The following COG7 variants were observed in gnomAD, a reference collection of about 807,000 sequenced individuals.
COG7 encodes conserved oligomeric Golgi complex subunit 7.
COG7 carries 49 observed loss-of-function variants against 91.5 expected under a neutral mutation model. The observed-to-expected ratio is 0.54, with a 90% CI of 0.43 to 0.68. The LOEUF (loss-of-function observed/expected upper bound fraction) is 0.68. Ranked by LOEUF, COG7 falls within the 30% of genes least tolerant of loss-of-function variation. The pLI, the probability that COG7 is intolerant of heterozygous loss-of-function variation, is 0.00. For synonymous variants in COG7, 365 were observed against 388.7 expected, an observed-to-expected ratio of 0.94 and a Z score of 0.72; for missense variants, 895 against 961.3, an observed-to-expected ratio of 0.93 and a Z score of 0.91.
chr16:23,420,295 C>A, intron 7 of COG7, among the ~76,000 whole-genome samples: 1 of 152,164 alleles, frequency 6.6e-6, no homozygotes, highest in Non-Finnish European at 1.5e-5. Flanking sequence ...AACAAATACA[C>A]AGAGACAGAA....
chr16:23,398,849 C>T (rs1963327811), intron 13 of COG7, among the ~76,000 whole-genome samples: 1 of 152,174 alleles, frequency 6.6e-6, no homozygotes, highest in South Asian at 2.1e-4. Context: ...TGTTTCTTGC[C>T]ATTTGGAGTG....
chr16:23,420,614 C>T (rs1035825758), intron 7 of COG7, among the ~76,000 whole-genome samples: 1 of 152,196 alleles, frequency 6.6e-6, no homozygotes, highest in Admixed American at 6.5e-5. Context: ...CAGCTAAAGT[C>T]TGCTGCTCTT....
intron 14 of COG7, among the ~76,000 whole-genome samples, chr16:23,394,542 C>T (rs1181326411): frequency 6.6e-6 from 1 of 151,920 alleles, no homozygotes; most frequent in Non-Finnish European, 1.5e-5. Context: ...ATATTCATTC[C>T]ATGACATTCC....
At chr16:23,449,097 C>T (rs962331144) in intron 1 of COG7, among the ~76,000 whole-genome samples, 3 of 152,182 alleles carry the variant, frequency 2.0e-5, no homozygotes, top group African/African-American at 7.2e-5. Context: ...GGCGCAGTGG[C>T]TCACGCCTAT....
chr16:23,451,510 T>C (rs531484210), intron 1 of COG7, among the ~76,000 whole-genome samples: 2 of 152,080 alleles, frequency 1.3e-5, no homozygotes, highest in African/African-American at 4.8e-5. Flanking sequence ...GGTCAGAAAT[T>C]TGAGATCAAC....
intron 3 of COG7, among the ~76,000 whole-genome samples, 185 bp from the exon 4 acceptor site, chr16:23,442,830 G>A (rs1964123696): frequency 6.6e-6 from 1 of 152,114 alleles, no homozygotes; most frequent in Non-Finnish European, 1.5e-5. Flanking sequence ...GAAGCCAGGA[G>A]TTCAAGACCA....
At chr16:23,432,621 GCCT>G (rs1963952073) in intron 6 of COG7, among the ~76,000 whole-genome samples, 1 of 152,190 alleles carries the variant, frequency 6.6e-6, no homozygotes, top group South Asian at 2.1e-4. Context: ...GTTCTACTGT[GCCT>G]CCTGTCTCAA....
intron 9 of COG7, chr16:23,416,308 C>G (rs767010787): frequency 6.5e-6 from 1 of 153,312 alleles, no homozygotes; most frequent in African/African-American, 2.4e-5. Context: ...GGATTACAAG[C>G]GTGAGCCACC....
chr16:23,448,401 C>T (rs761095769), intron 1 of COG7, among the ~76,000 whole-genome samples: 66 of 152,298 alleles, frequency 4.3e-4, no homozygotes, highest in Non-Finnish European at 7.1e-4. Flanking sequence ...CTGCCTCGAA[C>T]TTCTAGGCTC....
chr16:23,402,477 C>T (rs1445479375), intron 13 of COG7, among the ~76,000 whole-genome samples: 2 of 152,078 alleles, frequency 1.3e-5, no homozygotes, highest in African/African-American at 4.8e-5. Flanking sequence ...AAAACTACCA[C>T]TTATTACACA....
chr16:23,396,541 T>C (rs1963287661), intron 14 of COG7, among the ~76,000 whole-genome samples: 1 of 151,322 alleles, frequency 6.6e-6, no homozygotes, highest in Non-Finnish European at 1.5e-5. Context: ...TAGCCAGGTG[T>C]GGTGGTGGGC....
intron 1 of COG7, among the ~76,000 whole-genome samples, chr16:23,447,630 G>A (rs1964203083): frequency 6.6e-6 from 1 of 151,992 alleles, no homozygotes; most frequent in Non-Finnish European, 1.5e-5. Flanking sequence ...GGCCAGGCGT[G>A]GTGGCTCATG....
chr16:23,441,285 T>C (rs117254031), intron 4 of COG7, among the ~76,000 whole-genome samples: 1 of 152,224 alleles, frequency 6.6e-6, no homozygotes, highest in Admixed American at 6.5e-5. Flanking sequence ...GTAAATAAAG[T>C]TTTACTTGGC....
chr16:23,452,944 G>C lies in COG7; in HGVS notation c.51C>G (p.Ile17Met), dbSNP rs1276014294. 25 of 1,613,978 alleles carry C rather than the reference G, an allele frequency of 1.5e-5. No individual in the cohort carries two copies. Among genetic ancestry groups the C allele is most frequent in the Admixed American group, 1.0e-4 (6 of 60,004 alleles). ...TGGAGCCGGCCCTGAAGGCCGCATT[G>C]ATCCACTCCTTCACGTCGAAGTCGT... ...LADDFDVKEW[I>M]NAAFRAGSKE... Residue 17 changes from isoleucine to methionine, a missense_variant, in exon 1 of 17, where the codon ATC (isoleucine) becomes ATG (methionine). Coordinates refer to ENST00000307149, the MANE Select transcript of COG7 (RefSeq NM_153603.4).
chr16:23,440,085 CAAAA>C (rs11294739), intron 4 of COG7, among the ~76,000 whole-genome samples: 1 of 79,300 alleles, frequency 1.3e-5, no homozygotes, highest in Admixed American at 1.4e-4. Flanking sequence ...CCCATCTATA[CAAAA>C]AAAAAAAAAA....
rs1318563960 is a variant in COG7, at chr16:23,413,511, A to G, written c.1346T>C (p.Leu449Pro). Residue 449 changes from leucine to proline, a missense_variant, in exon 10 of 17, where the codon CTG becomes CCG. Leu to Pro is a moderately conservative substitution (Grantham distance 98). Transcript: ENST00000307149. ...GAGGGAGTTGGGAGGAATGTGGTCC[A>G]GTTTGCACTTCTTTCGTATGGACTG... ...TLQSIRKKCK[L>P]DHIPPNSLFQ... 3 of 1,613,382 alleles carry G rather than the reference A, an allele frequency of 1.9e-6. No homozygotes were observed. The African/African-American group carries it at 4.0e-5, about 22-fold the overall frequency.
intron 7 of COG7, among the ~76,000 whole-genome samples, chr16:23,420,677 G>C (rs985457858): frequency 9.2e-5 from 14 of 152,130 alleles, no homozygotes; most frequent in Non-Finnish European, 1.9e-4. Context: ...AAAGTAATGT[G>C]GGTCTAACAT....
intron 16 of COG7, among the ~76,000 whole-genome samples, chr16:23,390,528 C>T (rs1440682468): frequency 2.0e-5 from 3 of 151,658 alleles, no homozygotes; most frequent in Non-Finnish European, 4.4e-5. Flanking sequence ...ACTTTCTGAT[C>T]TTGGGTTCAT....
intron 16 of COG7, chr16:23,390,426 A>T (rs1056318358): frequency 2.6e-5 from 4 of 151,932 alleles, no homozygotes; most frequent in African/African-American, 9.7e-5. Context: ...CTGGTCTCAA[A>T]CTTCTGACCT....
Sources: allele counts gnomAD v4.1 joint callset (sites outside exome capture counted in the v4.1 genomes callset), GRCh38; gene constraint gnomAD v4.1.1; transcripts MANE v1.5; gene names NCBI Gene and HGNC (gene_info 2026-07-23, HGNC 2026-07-21).